Variants in PRSS55 observed in about 807,000 individuals in gnomAD.
The protein encoded by PRSS55 is serine protease 55, also known as probable serine protease UNQ9391/PRO34284.
A neutral mutation model predicts 23.6 loss-of-function variants in PRSS55; 41 were observed. That is an observed-to-expected ratio of 1.74 (90% CI 1.35 to 2.26). The LOEUF (loss-of-function observed/expected upper bound fraction) is 2.26. Ranked by LOEUF, PRSS55 falls within the 30% of genes most tolerant of loss-of-function variation. The pLI is 0.00. For synonymous variants in PRSS55, 262 were observed against 175.5 expected, an observed-to-expected ratio of 1.49 and a Z score of -3.90; for missense variants, 669 against 439.1, an observed-to-expected ratio of 1.52 and a Z score of -4.68.
At chr8:10,527,995 C>G (rs1812097669) in intron 1 of PRSS55, among the ~76,000 whole-genome samples, 2 of 152,116 alleles carry the variant, frequency 1.3e-5, no homozygotes, top group Admixed American at 1.3e-4. Flanking sequence ...GGCAGATCAT[C>G]TGAGGTTAGG....
At chr8:10,545,586 G>C (rs935347738) in intron 4 of PRSS55, among the ~76,000 whole-genome samples, 6 of 152,158 alleles carry the variant, frequency 3.9e-5, no homozygotes, top group Non-Finnish European at 5.9e-5. Context: ...ACGAGACCCA[G>C]ACTTTAATCA....
intron 4 of PRSS55, among the ~76,000 whole-genome samples, chr8:10,536,771 AC>A (rs1034914993): frequency 6.6e-6 from 1 of 152,238 alleles, no homozygotes; most frequent in Non-Finnish European, 1.5e-5. Flanking sequence ...GGAACAGAAA[AC>A]CAAATATCGC....
chr8:10,526,074 G>A (rs1001349850), intron 1 of PRSS55, among the ~76,000 whole-genome samples: 3 of 152,270 alleles, frequency 2.0e-5, no homozygotes, highest in East Asian at 3.9e-4. Context: ...GCTTCCAGGA[G>A]CCACAGACAC....
chr8:10,538,479 G>A lies in PRSS55; in HGVS notation c.745G>A (p.Asp249Asn). Reference sequence around the variant, plus strand: ...GAGCTGTGTTCTCTGCCCACAGGGTGACAGTGGGGGGCCTCTGGTCTGCAC... The same window carrying A: ...GAGCTGTGTTCTCTGCCCACAGGGTAACAGTGGGGGGCCTCTGGTCTGCAC... ...KNESYDACKG[D>N]SGGPLVCTPE... Residue 249 changes from aspartate (D) to asparagine (N), a missense_variant, in exon 5 of 5, where the codon GAC becomes AAC. Transcript: ENST00000328655. 6.2e-7 allele frequency: 1 copy of A among 1,610,940 alleles called. No homozygotes were observed. Among genetic ancestry groups the A allele is most frequent in the Non-Finnish European group, 8.5e-7 (1 of 1,178,174 alleles).
At chr8:10,528,537 G>A (rs1035692378) in intron 1 of PRSS55, among the ~76,000 whole-genome samples, 2 of 152,232 alleles carry the variant, frequency 1.3e-5, no homozygotes, top group African/African-American at 4.8e-5. Flanking sequence ...TCCGGAAGGG[G>A]CATTTCCTGC....
At chr8:10,552,025 G>T (rs986534980) in intron 4 of PRSS55, among the ~76,000 whole-genome samples, 25 of 152,232 alleles carry the variant, frequency 1.6e-4, no homozygotes, top group Admixed American at 1.6e-3. Context: ...CGTGCCGGAA[G>T]TTACTGGGGA....
intron 1 of PRSS55, among the ~76,000 whole-genome samples, chr8:10,529,067 T>G (rs1006840174): frequency 3.3e-5 from 5 of 152,130 alleles, no homozygotes; most frequent in Non-Finnish European, 5.9e-5. Flanking sequence ...AAATTCCATC[T>G]CCAAAGCCCC....
At chr8:10,533,414 C>G (rs547749626) in intron 4 of PRSS55, among the ~76,000 whole-genome samples, 13 of 152,262 alleles carry the variant, frequency 8.5e-5, no homozygotes, top group African/African-American at 2.6e-4. Context: ...GTTGAGCATA[C>G]AAGGCCCTAG....
intron 4 of PRSS55, among the ~76,000 whole-genome samples, chr8:10,544,788 G>T (rs373014389): frequency 1.3e-5 from 2 of 152,026 alleles, no homozygotes; most frequent in Non-Finnish European, 2.9e-5. Flanking sequence ...TTCTTCCTAC[G>T]TAGTCCTATT....
At chr8:10,539,242 G>A (rs974193993), downstream of PRSS55, among the ~76,000 whole-genome samples, 11 of 152,212 alleles carry the variant, frequency 7.2e-5, no homozygotes, top group East Asian at 1.9e-3. Flanking sequence ...TTAGTTCTAC[G>A]CAGGCCTTCA....
intron 4 of PRSS55, among the ~76,000 whole-genome samples, chr8:10,551,636 T>A (rs1812953487): frequency 6.6e-6 from 1 of 152,254 alleles, no homozygotes; most frequent in Non-Finnish European, 1.5e-5. Flanking sequence ...CTGGCAACGC[T>A]GACCGATGTG....
intron 3 of PRSS55, among the ~76,000 whole-genome samples, chr8:10,532,524 G>T (rs1348876232): frequency 1.3e-5 from 2 of 152,188 alleles, no homozygotes; most frequent in African/African-American, 4.8e-5. Context: ...CCAAGGCCCT[G>T]TGTGAAGGAA....
intron 1 of PRSS55, among the ~76,000 whole-genome samples, chr8:10,526,392 C>T (rs1354938463): frequency 6.6e-6 from 1 of 152,228 alleles, no homozygotes; most frequent in Non-Finnish European, 1.5e-5. Context: ...TGGGTGACCG[C>T]AGCGCCAGGC....
chr8:10,531,505 G>T lies in PRSS55; in HGVS notation c.558G>T (p.Trp186Cys). 2 of 1,613,926 alleles carry T rather than the reference G, an allele frequency of 1.2e-6. No homozygotes were observed. Among genetic ancestry groups the T allele is most frequent in the Non-Finnish European group, 1.7e-6 (2 of 1,180,054 alleles). Residue 186 changes from tryptophan (W) to cysteine (C), a missense_variant, in exon 3 of 5, where the codon TGG becomes TGT. By Grantham distance (215) the Trp-to-Cys change is radical. Transcript: ENST00000328655. ...CLPTQPGPAT[W>C]RECWVAGWGQ... ...CCACGCAGCCCGGCCCTGCCACATG[G>T]CGCGAATGCTGGGTGGCAGGTTGGG...
At chr8:10,546,376 C>T (rs1043899452) in intron 4 of PRSS55, among the ~76,000 whole-genome samples, 3 of 152,136 alleles carry the variant, frequency 2.0e-5, no homozygotes, top group Non-Finnish European at 4.4e-5. Flanking sequence ...TAACCCTCAG[C>T]GCTAGCCAGT....
In PRSS55 at chr8:10,531,363, T is replaced by A; in HGVS notation, c.416T>A (p.Val139Asp). The change falls in exon 3 of 5, where the codon GTC becomes GAC. Residue 139 changes from valine to aspartate, a missense_variant. By Grantham distance (152) the Val-to-Asp change is radical. Coordinates refer to ENST00000328655, the MANE Select transcript of PRSS55 (RefSeq NM_198464.4). ...LTSPSMEIKE[V>D]ASIILHKDFK... ...AGCCCATCCATGGAAATAAAGGAGGTCGCCAGCATCATTCTTCACAAAGAC... is the reference window on the plus strand; with the variant it reads ...AGCCCATCCATGGAAATAAAGGAGGACGCCAGCATCATTCTTCACAAAGAC... 6.2e-7 allele frequency: 1 copy of A among 1,613,502 alleles called. No homozygotes were observed. The highest frequency in any genetic ancestry group is 1.1e-5 in the South Asian group (1 of 91,042).
chr8:10,532,969 A>G lies in PRSS55; in HGVS notation c.662A>G (p.Glu221Gly). The change falls in exon 4 of 5, where the codon GAG (glutamate) becomes GGG (glycine). Residue 221 changes from glutamate to glycine, a missense_variant. By Grantham distance (98) the Glu-to-Gly change is moderately conservative. Transcript: ENST00000328655. ...CCAATGGTCATCATGGACTGGGAGG[A>G]GTGTTCAAAGATGTTTCCAAAACTT... ...KAPMVIMDWE[E>G]CSKMFPKLTK... The G allele has an allele frequency of 6.2e-7, 1 of 1,614,120 alleles. No individual in the cohort carries two copies. Among genetic ancestry groups the G allele is most frequent in the Non-Finnish European group, 8.5e-7 (1 of 1,180,026 alleles).
chr8:10,526,325 G>T (rs530649318), intron 1 of PRSS55, among the ~76,000 whole-genome samples: 2 of 152,216 alleles, frequency 1.3e-5, no homozygotes, highest in African/African-American at 4.8e-5. Context: ...CTGAGGAAGA[G>T]GATTTGCCCA....
At chr8:10,553,095 T>A (rs747666926) in intron 4 of PRSS55, among the ~76,000 whole-genome samples, 1 of 152,158 alleles carries the variant, frequency 6.6e-6, no homozygotes, top group Non-Finnish European at 1.5e-5. Context: ...TGGTGGGAAG[T>A]GATCGGATCA....
Sources: allele counts gnomAD v4.1 joint callset (sites outside exome capture counted in the v4.1 genomes callset), GRCh38; gene constraint gnomAD v4.1.1; transcripts MANE v1.5; gene names NCBI Gene and HGNC (gene_info 2026-07-23, HGNC 2026-07-21).